The following REG4 variants were observed in gnomAD, a reference collection of about 807,000 sequenced individuals.
REG4 encodes the protein regenerating islet-derived protein 4.
In REG4, 16 loss-of-function variants were observed where a neutral mutation model predicts 22.3. The observed-to-expected ratio is 0.72, with a 90% CI of 0.49 to 1.09. The LOEUF is 1.09. REG4 is among the 50% of genes least tolerant of loss of function. REG4 has a pLI of 0.00. For synonymous variants in REG4, 71 were observed against 69.2 expected, an observed-to-expected ratio of 1.03 and a Z score of -0.13; for missense variants, 214 against 193.9, an observed-to-expected ratio of 1.10 and a Z score of -0.61.
Position 119,794,365 on chromosome 1 carries a change from C to G in REG4, c.*253G>C, listed in dbSNP as rs945903623. The G allele has an allele frequency of 1.7e-6, 1 of 601,186 alleles. No homozygotes were observed. The highest frequency in any genetic ancestry group is 1.8e-5 in the South Asian group (1 of 54,496). The allele number at this position is 601,186 out of a possible 1,614,324, so 37.2% of individuals were successfully genotyped here. A position where few individuals can be genotyped will look rare whatever the true frequency, so the allele number is the denominator to read the frequency against. ...ATGCACTCTTCTAGACTGCTCGAGA[C>G]AGCCAGAGACAGGGGAGGAGGGAAG... On this transcript the variant is annotated 3_prime_UTR_variant, in exon 6 of 6. Transcript: ENST00000256585.
intron 2 of REG4, among the ~76,000 whole-genome samples, chr1:119,807,961 A>T (rs139299956): frequency 4.9e-4 from 75 of 152,320 alleles, no homozygotes; most frequent in African/African-American, 1.7e-3. Context: ...ACTCACTCTT[A>T]CATGTCCAAC....
rs17024293 is a variant in REG4, at chr1:119,802,828, C to T, written c.165+240G>A. ...GCTTGCTGAGGGTAGGGGCTCTTTCCTATGTATCCGTATGTGCTTGTAGCC... is the reference window on the plus strand; with the variant it reads ...GCTTGCTGAGGGTAGGGGCTCTTTCTTATGTATCCGTATGTGCTTGTAGCC... On this transcript the variant is annotated intron_variant, in intron 3 of 5. Coordinates refer to ENST00000256585, the MANE Select transcript of REG4 (RefSeq NM_032044.4). The T allele has an allele frequency of 4.6e-3, 7,109 of 1,529,702 alleles. 239 individuals are homozygous for T. In the African/African-American group the frequency reaches 0.079, roughly 17 times the overall value. 94.8% of individuals were successfully genotyped at this position (1,529,702 alleles called of 1,614,324 possible).
Position 119,794,620 on chromosome 1 carries a change from A to C in REG4, c.475T>G (p.Ter159GluextTer47), listed in dbSNP as rs374219092. The stretch of plus-strand genomic sequence containing the variant: ...TTAGCAGAATCTTGATTCTTGCTCT[A>C]TGGTCGGTACTTGCACAGGAAGTGT... The part of the protein sequence containing the change: ...RQHFLCKYRP[*>E] Residue 159 changes from the stop codon to glutamate, a stop_lost, in exon 6 of 6, where the codon TAG becomes GAG. Transcript: ENST00000256585. 4 of 1,613,828 alleles carry C rather than the reference A, an allele frequency of 2.5e-6. No individual in the cohort carries two copies. Among genetic ancestry groups the C allele is most frequent in the Non-Finnish European group, 3.4e-6 (4 of 1,179,694 alleles).
intron 2 of REG4, among the ~76,000 whole-genome samples, chr1:119,804,882 T>C (rs1365921861): frequency 2.0e-5 from 3 of 152,132 alleles, no homozygotes; most frequent in Non-Finnish European, 4.4e-5. Context: ...CCCTCCCCTT[T>C]CTGCCCCTCA....
chr1:119,803,275 G>C, intron 2 of REG4, 110 bp from the exon 3 acceptor site: 1 of 1,166,990 alleles, frequency 8.6e-7, no homozygotes, highest in Non-Finnish European at 1.2e-6. Flanking sequence ...GTCCCTTCAT[G>C]AAGGGTCCTG....
At chr1:119,804,137 T>G (rs1353914671) in intron 2 of REG4, among the ~76,000 whole-genome samples, 2 of 152,210 alleles carry the variant, frequency 1.3e-5, no homozygotes, top group Non-Finnish European at 2.9e-5. Flanking sequence ...TGTGACTATG[T>G]GGCTACCTTC....
At chr1:119,795,911 A>G (rs887236790) in intron 5 of REG4, among the ~76,000 whole-genome samples, 13 of 152,368 alleles carry the variant, frequency 8.5e-5, no homozygotes, top group African/African-American at 3.1e-4. Flanking sequence ...GTTGCTGCCC[A>G]TTGAGCCTGT....
chr1:119,796,928 G>A (rs1571062293), intron 5 of REG4, among the ~76,000 whole-genome samples: 1 of 152,358 alleles, frequency 6.6e-6, no homozygotes, highest in East Asian at 1.9e-4. Context: ...GGGACTTAGG[G>A]AGGCATCTGG....
chr1:119,799,918 C>T (rs186245838), intron 3 of REG4, 56 bp from the exon 4 acceptor site: 1 of 1,595,440 alleles, frequency 6.3e-7, no homozygotes, highest in Non-Finnish European at 8.6e-7. Context: ...GCACAGCCCT[C>T]CCCTCAGAAC....
At chr1:119,805,178 A>T (rs1334615695) in intron 2 of REG4, among the ~76,000 whole-genome samples, 1 of 152,252 alleles carries the variant, frequency 6.6e-6, no homozygotes, top group East Asian at 1.9e-4. Context: ...GGAGGAAAAG[A>T]AATCCTTGCA....
chr1:119,806,424 T>A (rs1407303082), intron 2 of REG4, among the ~76,000 whole-genome samples: 1 of 152,226 alleles, frequency 6.6e-6, no homozygotes, highest in East Asian at 1.9e-4. Flanking sequence ...AAGGTAAGAT[T>A]TGACCCCAGA....
intron 4 of REG4, 44 bp from the exon 5 acceptor site, chr1:119,798,646 C>A: frequency 1.3e-6 from 2 of 1,492,780 alleles, no homozygotes; most frequent in Admixed American, 1.7e-5. Context: ...CAGCAACCCA[C>A]CTGCCACAGC....
At chr1:119,810,763 C>T (rs1654470639) in intron 1 of REG4, among the ~76,000 whole-genome samples, 2 of 152,148 alleles carry the variant, frequency 1.3e-5, no homozygotes, top group African/African-American at 4.8e-5. Flanking sequence ...CATAAGTAAG[C>T]TGCACTGGGC....
In REG4 at chr1:119,794,411, T is replaced by C; in HGVS notation, c.*207A>G. On this transcript the variant is annotated 3_prime_UTR_variant, in exon 6 of 6. Transcript: ENST00000256585. ...GGAAGAAGGATACTGTGGAAAGGGA[T>C]GGCGGGGCAAACATTTAGAGCTAGA... 1 of 636,356 alleles carries C rather than the reference T, an allele frequency of 1.6e-6. No homozygotes were observed. The highest frequency in any genetic ancestry group is 2.7e-5 in the Admixed American group (1 of 37,144). 39.4% of individuals were successfully genotyped at this position (636,356 alleles called of 1,614,324 possible).
At chr1:119,804,733 C>T (rs981046940) in intron 2 of REG4, among the ~76,000 whole-genome samples, 1 of 152,190 alleles carries the variant, frequency 6.6e-6, no homozygotes, top group African/African-American at 2.4e-5. Context: ...TCTCTCTGTT[C>T]TCTACCTGTC....
intron 3 of REG4, 90 bp from the exon 4 acceptor site, chr1:119,799,952 C>T: frequency 1.3e-6 from 2 of 1,497,498 alleles, no homozygotes; most frequent in South Asian, 1.2e-5. Context: ...GAAGGAGGGA[C>T]TCACGCAGCC....
At chr1:119,802,141 T>G (rs1654129242) in intron 3 of REG4, 1 of 169,790 alleles carries the variant, frequency 5.9e-6, no homozygotes, top group Admixed American at 6.5e-5. Flanking sequence ...CTTTCTTCAC[T>G]CTGTTTCTCT....
chr1:119,806,282 G>A (rs1654314973), intron 2 of REG4, among the ~76,000 whole-genome samples: 1 of 152,246 alleles, frequency 6.6e-6, no homozygotes, highest in South Asian at 2.1e-4. Flanking sequence ...TGTACCCGAT[G>A]CAGGTCCAGG....
chr1:119,797,979 C>A (rs587691598), intron 5 of REG4, among the ~76,000 whole-genome samples: 1 of 152,186 alleles, frequency 6.6e-6, no homozygotes, highest in Admixed American at 6.5e-5. Flanking sequence ...AAGGCTCACG[C>A]GAGTGTGTGC....
Sources: gnomAD v4.1 joint callset for allele counts (sites outside exome capture counted in the v4.1 genomes callset) on GRCh38, gnomAD v4.1.1 for gene constraint, MANE v1.5 for transcripts, NCBI Gene and HGNC (gene_info 2026-07-23, HGNC 2026-07-21) for gene names.